Variants in PRDM10 observed in about 807,000 individuals in gnomAD.
The protein encoded by PRDM10 is PR domain zinc finger protein 10.
PRDM10 carries 65 observed loss-of-function variants against 133.1 expected under a neutral mutation model. The observed-to-expected ratio is 0.49, with a 90% confidence interval of 0.40 to 0.60. The LOEUF is 0.60. PRDM10 is among the 20% of genes least tolerant of loss of function. PRDM10 has a pLI of 0.00. For missense variants in PRDM10, 1,137 were observed against 1,507.1 expected (o/e 0.75, Z 4.07); for synonymous variants, 582 against 580.4 (o/e 1.00, Z -0.04).
Position 129,918,494 on chromosome 11 carries a change from G to T in PRDM10, c.2214+45C>A. 1.9e-6 allele frequency: 3 copies of T among 1,586,420 alleles called. No homozygotes were observed. Among genetic ancestry groups the T allele is most frequent in the Non-Finnish European group, 2.6e-6 (3 of 1,163,832 alleles). On this transcript the variant is annotated intron_variant, in intron 14 of 20. Transcript: ENST00000360871. This position sits in a 1 kb window ranked among gnomAD's most constrained non-coding sequence, Gnocchi z 5.3. ...ACGTCACCATCATCGACAGCAATGA[G>T]GTATGCTGGGAAGACAGAGGAACCC...
At position 129,985,922 on chromosome 11, in the gene PRDM10, T is replaced by A. The variant is rs372069257; in HGVS notation, c.-119+16800A>T. On this transcript the variant is annotated intron_variant, in intron 1 of 20. Transcript: ENST00000360871. ...TTGAGGTTCATATGTAGTCTCTGAA[T>A]ATTTTCATATTCATGAGCTGTGGCC... is the stretch of plus-strand genomic sequence containing the variant. Among the ~76,000 whole-genome samples, 20 of 150,940 alleles carry A rather than the reference T, an allele frequency of 1.3e-4. No individual in the cohort carries two copies. The East Asian group carries it at 2.9e-3, about 22-fold the overall frequency.
chr11:129,924,802 G>C, intron 12 of PRDM10, 80 bp downstream of exon 12: 1 of 1,225,048 alleles, frequency 8.2e-7, no homozygotes, highest in South Asian at 1.5e-5. Context: ...CAGGTGCTAG[G>C]CAGTCTCGGT....
intron 7 of PRDM10, among the ~76,000 whole-genome samples, chr11:129,942,124 G>A (rs1018157017): frequency 1.3e-5 from 2 of 152,162 alleles, no homozygotes; most frequent in Non-Finnish European, 2.9e-5. Flanking sequence ...TTGAACTCCA[G>A]ACCTGAAGTG....
chr11:129,928,256 G>A (rs1420327238), intron 11 of PRDM10, among the ~76,000 whole-genome samples: 1 of 151,626 alleles, frequency 6.6e-6, no homozygotes, highest in Admixed American at 6.6e-5. Flanking sequence ...ATAAGTACAT[G>A]CCACCACGCC....
intron 13 of PRDM10, among the ~76,000 whole-genome samples, chr11:129,922,786 C>A (rs1363178423): frequency 1.3e-5 from 2 of 152,164 alleles, no homozygotes; most frequent in Non-Finnish European, 2.9e-5. Flanking sequence ...TCTTTGAGGT[C>A]ATTAACATTC....
chr11:129,995,697 G>A (rs12793517), intron 1 of PRDM10, among the ~76,000 whole-genome samples: 16,992 of 152,134 alleles, frequency 0.11, 1,675 homozygotes, highest in East Asian at 0.43. Flanking sequence ...TGTAACTCCA[G>A]CACTTTGGGA....
At chr11:129,919,330 G>A (rs1950453230) in intron 13 of PRDM10, among the ~76,000 whole-genome samples, 2 of 152,212 alleles carry the variant, frequency 1.3e-5, no homozygotes, top group African/African-American at 4.8e-5. Context: ...TCACACCACT[G>A]CACTCCAGCC....
At chr11:129,969,585 G>A (rs1467987308) in intron 1 of PRDM10, among the ~76,000 whole-genome samples, 1 of 150,902 alleles carries the variant, frequency 6.6e-6, no homozygotes, top group Non-Finnish European at 1.5e-5. Flanking sequence ...CTTGAGGAGA[G>A]TAGTTCGAGA....
At chr11:129,983,500 G>T (rs143509030) in intron 1 of PRDM10, among the ~76,000 whole-genome samples, 1 of 152,044 alleles carries the variant, frequency 6.6e-6, no homozygotes, top group African/African-American at 2.4e-5. Context: ...GGGTTTCACC[G>T]TGTTAGCCAG....
rs1949839424 is a variant in PRDM10, at chr11:129,901,373, C to T, written c.*940G>A. Reference sequence around the variant, plus strand: ...AACATGTCAGCAAGAGTTAAATGTACACTTGGTAAGAACAAGGAATATATC... The same window carrying T: ...AACATGTCAGCAAGAGTTAAATGTATACTTGGTAAGAACAAGGAATATATC... On this transcript the variant is annotated 3_prime_UTR_variant, in exon 21 of 21. Transcript: ENST00000360871. The T allele has an allele frequency of 6.6e-6, 1 of 152,586 alleles. No homozygotes were observed. The highest frequency in any genetic ancestry group is 2.1e-4 in the South Asian group (1 of 4,830). The allele number at this position is 152,586 out of a possible 1,614,324, so 9.5% of individuals were successfully genotyped here. A position where few individuals can be genotyped will look rare whatever the true frequency, so the allele number is the denominator to read the frequency against.
chr11:129,979,257 C>T (rs1205287804), intron 1 of PRDM10, among the ~76,000 whole-genome samples: 2 of 152,172 alleles, frequency 1.3e-5, no homozygotes, highest in Admixed American at 1.3e-4. Flanking sequence ...AAAAACTGCA[C>T]AAATCCTAAG....
At chr11:129,997,970 C>G (rs1939149097) in intron 1 of PRDM10, among the ~76,000 whole-genome samples, 1 of 151,074 alleles carries the variant, frequency 6.6e-6, no homozygotes, top group South Asian at 2.1e-4. Context: ...CTTAATGCCA[C>G]CTGGGAACAC....
chr11:129,947,659 G>A lies in PRDM10; in HGVS notation c.295-289C>T. 1 of 936,050 alleles carries A rather than the reference G, an allele frequency of 1.1e-6. No homozygotes were observed. Among genetic ancestry groups the A allele is most frequent in the Non-Finnish European group, 1.5e-6 (1 of 663,370 alleles). The allele number at this position is 936,050 out of a possible 1,614,324, so 58.0% of individuals were successfully genotyped here. On this transcript the variant is annotated intron_variant, in intron 4 of 20. Transcript: ENST00000360871. The surrounding 1 kb of genome is among the most constrained non-coding windows in gnomAD (Gnocchi z 4.6). ...TCAGGTGCTCCCTCCTTTGGCAGCA[G>A]TGGGAGAGTCAACACTGGCAAGGCC...
chr11:129,996,767 G>A (rs1305850988), intron 1 of PRDM10, among the ~76,000 whole-genome samples: 11 of 152,062 alleles, frequency 7.2e-5, no homozygotes, highest in African/African-American at 1.9e-4. Flanking sequence ...CCGAAGTGGC[G>A]GTTCCAAAAG....
intron 1 of PRDM10, among the ~76,000 whole-genome samples, chr11:129,972,018 C>T (rs939594028): frequency 2.6e-5 from 4 of 152,232 alleles, no homozygotes; most frequent in Non-Finnish European, 4.4e-5. Flanking sequence ...TCGAGTGCAG[C>T]GCCAGTGGGC....
chr11:129,982,184 G>A (rs1280172406), intron 1 of PRDM10, among the ~76,000 whole-genome samples: 1 of 151,902 alleles, frequency 6.6e-6, no homozygotes, highest in Non-Finnish European at 1.5e-5. Context: ...GCTTGAGCCT[G>A]GGAGGTCAAG....
Position 129,947,139 on chromosome 11 carries a change from A to G in PRDM10, c.520+6T>C. 2.5e-6 allele frequency: 4 copies of G among 1,613,878 alleles called. No homozygotes were observed. Among genetic ancestry groups the G allele is most frequent in the East Asian group, 2.2e-5 (1 of 44,868 alleles). On this transcript the variant is annotated splice_donor_region_variant and intron_variant, in intron 5 of 20. Transcript: ENST00000360871. The surrounding 1 kb of genome is among the most constrained non-coding windows in gnomAD (Gnocchi z 4.6). ...TTCCCTGGGGGAGACCCGTGCCCAC[A>G]CTTACACAAGTCGTGTGGGTCGAAG...
chr11:129,968,120 T>A (rs562922854), intron 1 of PRDM10, among the ~76,000 whole-genome samples: 1 of 152,308 alleles, frequency 6.6e-6, no homozygotes, highest in East Asian at 1.9e-4. Flanking sequence ...ACAATTTCAC[T>A]TAAAATGTTG....
intron 6 of PRDM10, among the ~76,000 whole-genome samples, chr11:129,944,457 C>A (rs559448065): frequency 9.2e-5 from 14 of 151,852 alleles, no homozygotes; most frequent in African/African-American, 2.9e-4. Context: ...TGGTGGCGGG[C>A]GCCTGTAGTC....
Sources: gnomAD v4.1 joint callset for allele counts (sites outside exome capture counted in the v4.1 genomes callset) on GRCh38, gnomAD v4.1.1 for gene constraint, Gnocchi (gnomAD v3.1) non-coding constraint, MANE v1.5 for transcripts, NCBI Gene and HGNC (gene_info 2026-07-23, HGNC 2026-07-21) for gene names.